CAMTA1: variants seen among roughly 807,000 people sequenced by gnomAD.
CAMTA1 encodes the protein calmodulin binding transcription activator 1.
A neutral mutation model predicts 170.9 loss-of-function variants in CAMTA1; 27 were observed. The observed-to-expected ratio is 0.16, with a 90% CI of 0.12 to 0.22. The LOEUF is 0.22. Among genes scored for constraint, CAMTA1 ranks in the 10% least tolerant of loss-of-function variants. The probability of loss-of-function intolerance (pLI) is 1.00; values close to 1 mark genes in which losing one functional copy is unlikely to be tolerated. For missense variants in CAMTA1, 1,619 were observed against 2,217.2 expected, an observed-to-expected ratio of 0.73 and a Z score of 5.42; for synonymous variants, 833 against 891.5, an observed-to-expected ratio of 0.93 and a Z score of 1.17.
intron 11 of CAMTA1, among the ~76,000 whole-genome samples, chr1:7,720,358 G>T (rs768426641): frequency 6.6e-6 from 1 of 152,052 alleles, no homozygotes. Context: ...TCAAAGTTAG[G>T]GGTTGGGTGG....
intron 4 of CAMTA1, among the ~76,000 whole-genome samples, chr1:7,191,880 G>T (rs1020079722): frequency 2.6e-5 from 4 of 152,134 alleles, no homozygotes; most frequent in East Asian, 1.9e-4. Context: ...ATGCAGAACC[G>T]CTGGGCATCA....
chr1:6,904,515 C>T (rs1421778113), intron 3 of CAMTA1, among the ~76,000 whole-genome samples: 3 of 151,488 alleles, frequency 2.0e-5, no homozygotes, highest in South Asian at 2.1e-4. Context: ...TTTAGGCTCT[C>T]CTCCCCTGAA....
rs1157253792 is a variant in CAMTA1 at position 6,965,627 on chromosome 1, C to G, written c.235-125677C>G. On this transcript the variant is annotated intron_variant, in intron 3 of 22. Coordinates refer to ENST00000303635, the MANE Select transcript of CAMTA1 (RefSeq NM_015215.4). This position sits in a 1 kb window ranked among gnomAD's most constrained non-coding sequence, Gnocchi z 4.1. Reference sequence around the variant, plus strand: ...ATGGACGTGCCGCCTGTTAGCTAATCAACAGTGAGGAGAAAGTCCTGACAA... The same window carrying G: ...ATGGACGTGCCGCCTGTTAGCTAATGAACAGTGAGGAGAAAGTCCTGACAA... Among the ~76,000 whole-genome samples, 2 of 152,036 alleles carry G rather than the reference C, an allele frequency of 1.3e-5. No homozygotes were observed. The highest frequency in any genetic ancestry group is 2.9e-5 in the Non-Finnish European group (2 of 68,020).
intron 6 of CAMTA1, among the ~76,000 whole-genome samples, chr1:7,616,212 A>G (rs1424662227): frequency 2.0e-5 from 3 of 152,266 alleles, no homozygotes; most frequent in Non-Finnish European, 2.9e-5. Flanking sequence ...ACAGCAGCCT[A>G]TTAGAGGTGC....
Position 6,933,324 on chromosome 1 carries a change from A to T in CAMTA1, c.234+108114A>T, listed in dbSNP as rs184046275. ...GGAGTCTCTGGAGTATAGTGGCATG[A>T]TCTCAGCTCACTGCAACGTCCACCT... On this transcript the variant is annotated intron_variant, in intron 3 of 22. Transcript: ENST00000303635. Among the ~76,000 whole-genome samples, 7 of 151,876 alleles carry T rather than the reference A, an allele frequency of 4.6e-5. No individual in the cohort carries two copies. The East Asian group carries it at 1.2e-3, about 25-fold the overall frequency.
intron 3 of CAMTA1, among the ~76,000 whole-genome samples, chr1:6,877,694 G>A (rs540174243): frequency 4.6e-5 from 7 of 152,144 alleles, no homozygotes; most frequent in Non-Finnish European, 1.0e-4. Flanking sequence ...TGTCACATAC[G>A]CTGGCCACAG....
intron 5 of CAMTA1, among the ~76,000 whole-genome samples, chr1:7,359,240 C>A (rs11120905): frequency 2.2e-5 from 2 of 89,470 alleles, no homozygotes; most frequent in South Asian, 2.9e-4. Flanking sequence ...GGGAGCCAGC[C>A]TTTCCTCATC....
intron 3 of CAMTA1, among the ~76,000 whole-genome samples, chr1:6,950,031 G>A (rs1338003966): frequency 6.6e-6 from 1 of 152,254 alleles, no homozygotes; most frequent in Admixed American, 6.5e-5. Flanking sequence ...GCCCCATGCA[G>A]GCCCTATGAC....
chr1:7,579,526 A>T (rs988608451), intron 6 of CAMTA1, among the ~76,000 whole-genome samples: 2 of 145,280 alleles, frequency 1.4e-5, no homozygotes, highest in African/African-American at 5.3e-5. Flanking sequence ...TTTTGCTCTA[A>T]GGTCCACTTT....
intron 4 of CAMTA1, among the ~76,000 whole-genome samples, chr1:7,226,756 T>C (rs1228098747): frequency 6.6e-6 from 1 of 151,632 alleles, no homozygotes; most frequent in East Asian, 1.9e-4. Context: ...GATATGCACA[T>C]TTTTTCTAAT....
chr1:7,523,626 C>G (rs1212735806), intron 6 of CAMTA1, among the ~76,000 whole-genome samples: 1 of 152,088 alleles, frequency 6.6e-6, no homozygotes, highest in Non-Finnish European at 1.5e-5. Flanking sequence ...CGCCTATAAT[C>G]CCAGCACTTT....
At chr1:7,497,746 C>T (rs1011760494) in intron 6 of CAMTA1, among the ~76,000 whole-genome samples, 2 of 152,212 alleles carry the variant, frequency 1.3e-5, no homozygotes, top group African/African-American at 2.4e-5. Flanking sequence ...AGAGCTCAGC[C>T]ATGACGGCAG....
chr1:7,524,298 A>T lies in CAMTA1; in HGVS notation c.510+56397A>T, dbSNP rs1209935644. Among the ~76,000 whole-genome samples the T allele has an allele frequency of 3.9e-5, 6 of 152,218 alleles. No individual in the cohort carries two copies. In the East Asian group the frequency reaches 5.8e-4, roughly 15 times the overall value. On this transcript the variant is annotated intron_variant, in intron 6 of 22. Transcript: ENST00000303635. ...TGGTGGCCACATATTTATGATGAAC[A>T]TATAGAAATGCAATCAATTTTTCTG...
At chr1:7,179,434 C>A (rs772376892) in intron 4 of CAMTA1, among the ~76,000 whole-genome samples, 6 of 152,072 alleles carry the variant, frequency 3.9e-5, no homozygotes, top group Non-Finnish European at 5.9e-5. Context: ...TACATTTATG[C>A]CACAATAATA....
At chr1:7,307,756 A>G (rs879899229) in intron 5 of CAMTA1, among the ~76,000 whole-genome samples, 8 of 151,920 alleles carry the variant, frequency 5.3e-5, no homozygotes, top group Admixed American at 1.3e-4. Flanking sequence ...TTTATTTTCT[A>G]ATATTCTGTT....
chr1:7,671,346 C>T (rs372614408), intron 10 of CAMTA1, among the ~76,000 whole-genome samples: 2 of 152,206 alleles, frequency 1.3e-5, no homozygotes, highest in African/African-American at 2.4e-5. Flanking sequence ...CAGTGGGAAG[C>T]GGCCACCACC....
Position 7,768,358 on chromosome 1 carries a change from G to C in CAMTA1, c.*1867G>C, listed in dbSNP as rs976526238. On this transcript the variant is annotated 3_prime_UTR_variant, in exon 23 of 23. Coordinates refer to ENST00000303635, the MANE Select transcript of CAMTA1 (RefSeq NM_015215.4). Reference sequence around the variant, plus strand: ...ATGTTAAATTGAGAGAATAAAGTTCGTATTTGCTGATGCCAGTTTAAAATT... The same window carrying C: ...ATGTTAAATTGAGAGAATAAAGTTCCTATTTGCTGATGCCAGTTTAAAATT... 2.6e-5 allele frequency: 4 copies of C among 152,704 alleles called. No homozygotes were observed. The Admixed American group carries it at 2.6e-4, about 10-fold the overall frequency. 9.5% of individuals were successfully genotyped at this position (152,704 alleles called of 1,614,324 possible). A position where few individuals can be genotyped will look rare whatever the true frequency, so the allele number is the denominator to read the frequency against.
At chr1:7,362,467 T>C (rs546848982) in intron 5 of CAMTA1, among the ~76,000 whole-genome samples, 1 of 152,146 alleles carries the variant, frequency 6.6e-6, no homozygotes, top group Admixed American at 6.5e-5. Context: ...TGGACTTGAA[T>C]AGAGTTAGTG....
intron 6 of CAMTA1, among the ~76,000 whole-genome samples, chr1:7,473,907 C>T (rs2093376021): frequency 6.6e-6 from 1 of 152,258 alleles, no homozygotes; most frequent in South Asian, 2.1e-4. Context: ...CAGGAAGGGT[C>T]CTCAGGATGT....
Sources: gnomAD v4.1 joint callset for allele counts (sites outside exome capture counted in the v4.1 genomes callset) on GRCh38, gnomAD v4.1.1 for gene constraint, Gnocchi (gnomAD v3.1) non-coding constraint, MANE v1.5 for transcripts, NCBI Gene and HGNC (gene_info 2026-07-23, HGNC 2026-07-21) for gene names.